The following BCL2L1 variants were observed in gnomAD, a reference collection of about 807,000 sequenced individuals.
BCL2L1 encodes the protein bcl-2-like protein 1.
A neutral mutation model predicts 18.7 loss-of-function variants in BCL2L1; 1 was observed. That is an observed-to-expected ratio of 0.05 (90% CI 0.02 to 0.25). BCL2L1 has a LOEUF of 0.25. Among genes scored for constraint, BCL2L1 ranks in the 10% least tolerant of loss-of-function variants. BCL2L1 has a pLI of 1.00. For synonymous variants in BCL2L1, 103 were observed against 122.7 expected (o/e 0.84, Z 1.06); for missense variants, 207 against 304.9 (o/e 0.68, Z 2.39).
At chr20:31,670,867 G>A (rs920208179) in intron 2 of BCL2L1, among the ~76,000 whole-genome samples, 2 of 152,158 alleles carry the variant, frequency 1.3e-5, no homozygotes, top group Non-Finnish European at 2.9e-5. Context: ...CTCAGCAGGC[G>A]GCTGCTCTGG....
chr20:31,673,575 G>C (rs1302807118), intron 2 of BCL2L1, among the ~76,000 whole-genome samples: 1 of 151,896 alleles, frequency 6.6e-6, no homozygotes, highest in Admixed American at 6.6e-5. Flanking sequence ...CTTTGAGCCT[G>C]GGAGGTCAGG....
chr20:31,714,049 G>A (rs979882865), intron 2 of BCL2L1, among the ~76,000 whole-genome samples: 19 of 152,196 alleles, frequency 1.2e-4, no homozygotes, highest in African/African-American at 4.3e-4. Context: ...TAAATATAGG[G>A]TAGCACTATT....
At position 31,697,892 on chromosome 20, in the gene BCL2L1, G is replaced by GTTTTTT. The variant is rs199575410; in HGVS notation, c.564+23757_564+23762dup. On this transcript the variant is annotated intron_variant, in intron 2 of 2. Coordinates refer to ENST00000307677, the MANE Select transcript of BCL2L1 (RefSeq NM_138578.3). ...AGAATCCTCAGCATGTGCTGTTGCT[G>GTTTTTT]TTTTTTTTTTTTTGAGACGGAGTCT... 2.2e-3 allele frequency among the ~76,000 whole-genome samples: 291 copies of GTTTTTT among 129,648 alleles called. 18 individuals are homozygous for GTTTTTT. Among genetic ancestry groups the GTTTTTT allele is most frequent in the African/African-American group, 9.0e-3 (274 of 30,506 alleles). 85.1% of individuals were successfully genotyped at this position (129,648 alleles called of 152,430 possible).
At chr20:31,697,627 C>T (rs1215865779) in intron 2 of BCL2L1, among the ~76,000 whole-genome samples, 6 of 151,890 alleles carry the variant, frequency 4.0e-5, no homozygotes, top group Non-Finnish European at 5.9e-5. Flanking sequence ...TTAGTAGAGA[C>T]GGGGTTTCAC....
chr20:31,678,126 G>A (rs1337416225), intron 2 of BCL2L1, among the ~76,000 whole-genome samples: 2 of 152,186 alleles, frequency 1.3e-5, no homozygotes, highest in African/African-American at 4.8e-5. Flanking sequence ...CTGTGCTGAG[G>A]CAACAGGCAG....
intron 2 of BCL2L1, among the ~76,000 whole-genome samples, chr20:31,698,105 C>CT (rs2061212719): frequency 6.6e-6 from 1 of 151,782 alleles, no homozygotes; most frequent in South Asian, 2.1e-4. Context: ...CCAGGCTAGT[C>CT]TTAAACTTCT....
intron 2 of BCL2L1, among the ~76,000 whole-genome samples, chr20:31,715,423 T>G (rs1340671987): frequency 6.6e-6 from 1 of 152,174 alleles, no homozygotes; most frequent in Admixed American, 6.6e-5. Context: ...CCCTTTGCTG[T>G]TTCTTCTCCA....
At chr20:31,680,632 G>GC (rs1272854196) in intron 2 of BCL2L1, among the ~76,000 whole-genome samples, 5 of 152,200 alleles carry the variant, frequency 3.3e-5, no homozygotes, top group African/African-American at 1.2e-4. Flanking sequence ...TTGTAGGAAG[G>GC]CCCAGACAGG....
chr20:31,688,147 A>G (rs2060993148), intron 2 of BCL2L1, among the ~76,000 whole-genome samples: 1 of 152,114 alleles, frequency 6.6e-6, no homozygotes, highest in African/African-American at 2.4e-5. Flanking sequence ...GAAGGCACTC[A>G]AGAAATGTGC....
At chr20:31,671,535 C>T (rs981770481) in intron 2 of BCL2L1, among the ~76,000 whole-genome samples, 2 of 152,246 alleles carry the variant, frequency 1.3e-5, no homozygotes, top group Middle Eastern at 3.4e-3. Context: ...CTGCTCATCC[C>T]TCCCCAACCT....
intron 2 of BCL2L1, among the ~76,000 whole-genome samples, chr20:31,720,317 T>C (rs780862053): frequency 2.2e-4 from 33 of 152,190 alleles, no homozygotes; most frequent in Non-Finnish European, 4.4e-4. Flanking sequence ...CTATAGACAG[T>C]TGCATTCTTG....
rs148081624 is a variant in BCL2L1, at chr20:31,666,295, G to A, written c.565-209C>T. 1.5e-4 allele frequency among the ~76,000 whole-genome samples: 23 copies of A among 152,290 alleles called. No individual in the cohort carries two copies. In the Middle Eastern group the frequency reaches 0.014, roughly 90 times the overall value. ...CAAACCATGTTACTGCTGAGAAACA[G>A]GTAGAGAGGAGGAAAGTGCCCTGTC... is the stretch of plus-strand genomic sequence containing the variant. On this transcript the variant is annotated intron_variant, in intron 2 of 2. Coordinates refer to ENST00000307677, the MANE Select transcript of BCL2L1 (RefSeq NM_138578.3).
intron 2 of BCL2L1, among the ~76,000 whole-genome samples, chr20:31,716,211 C>T (rs1459879227): frequency 1.3e-5 from 2 of 152,148 alleles, no homozygotes; most frequent in Non-Finnish European, 2.9e-5. Context: ...ATTTAATTCT[C>T]AGCCCAGCCA....
At chr20:31,666,134 T>A (rs112926293) in intron 2 of BCL2L1, 48 bp from the exon 3 acceptor site, 1 of 1,604,676 alleles carries the variant, frequency 6.2e-7, no homozygotes, top group Non-Finnish European at 8.5e-7. Flanking sequence ...CAGAGAGTGA[T>A]GTAGGTGGGT....
chr20:31,720,220 TGAGA>T, intron 2 of BCL2L1: 1 of 927,116 alleles, frequency 1.1e-6, no homozygotes, highest in East Asian at 1.2e-4. Context: ...AAATGCAAAA[TGAGA>T]GAGGGGGTGG....
chr20:31,670,983 G>A (rs1483791305), intron 2 of BCL2L1, among the ~76,000 whole-genome samples: 2 of 152,186 alleles, frequency 1.3e-5, no homozygotes, highest in Non-Finnish European at 2.9e-5. Flanking sequence ...GGCATGGTAG[G>A]CAGGGGATGA....
intron 2 of BCL2L1, among the ~76,000 whole-genome samples, chr20:31,697,089 G>A (rs2061184494): frequency 6.6e-6 from 1 of 151,792 alleles, no homozygotes; most frequent in African/African-American, 2.4e-5. Flanking sequence ...AGGCATGATG[G>A]CATGTGCCTA....
chr20:31,713,236 G>A, intron 2 of BCL2L1: 2 of 975,678 alleles, frequency 2.0e-6, no homozygotes, highest in Middle Eastern at 5.3e-4. Flanking sequence ...CCTAGGGTAG[G>A]GGGTAATGGC....
chr20:31,705,523 A>G (rs930821254), intron 2 of BCL2L1, among the ~76,000 whole-genome samples: 6 of 152,196 alleles, frequency 3.9e-5, no homozygotes, highest in Non-Finnish European at 8.8e-5. Context: ...TCCCCTTTTC[A>G]TAAAGAGCCC....
Sources: gnomAD v4.1 joint callset for allele counts (sites outside exome capture counted in the v4.1 genomes callset) on GRCh38, gnomAD v4.1.1 for gene constraint, MANE v1.5 for transcripts, NCBI Gene and HGNC (gene_info 2026-07-23, HGNC 2026-07-21) for gene names.